The following MTHFD1L variants were observed in gnomAD, a reference collection of about 807,000 sequenced individuals.
The protein encoded by MTHFD1L is monofunctional C1-tetrahydrofolate synthase, mitochondrial.
In MTHFD1L, 81 loss-of-function variants were observed where a neutral mutation model predicts 119.5. The ratio of observed to expected loss-of-function variants is 0.68; its 90% CI spans 0.57 to 0.82. The LOEUF (loss-of-function observed/expected upper bound fraction) is 0.82, where lower values mean the gene tolerates loss of function less well. Ranked by LOEUF, MTHFD1L falls within the 40% of genes least tolerant of loss-of-function variation. The pLI, the probability that MTHFD1L is intolerant of heterozygous loss-of-function variation, is 0.00. For synonymous variants in MTHFD1L, 430 were observed against 475.2 expected, an observed-to-expected ratio of 0.90 and a Z score of 1.24; for missense variants, 1,125 against 1,253.4, an observed-to-expected ratio of 0.90 and a Z score of 1.55.
chr6:150,905,150 T>C (rs175865), intron 7 of MTHFD1L, among the ~76,000 whole-genome samples: 104,161 of 150,788 alleles, frequency 0.69, 37,117 homozygotes, highest in African/African-American at 0.85. Flanking sequence ...TCTCGTGCTG[T>C]AGCCTCCTGA....
At chr6:150,886,088 T>G (rs1229368360) in intron 6 of MTHFD1L, among the ~76,000 whole-genome samples, 2 of 152,184 alleles carry the variant, frequency 1.3e-5, no homozygotes, top group Non-Finnish European at 2.9e-5. Flanking sequence ...TGCTTCCAGT[T>G]TCAGCTTACT....
chr6:151,043,954 CA>C (rs1787544535), intron 26 of MTHFD1L, among the ~76,000 whole-genome samples: 1 of 152,114 alleles, frequency 6.6e-6, no homozygotes, highest in Non-Finnish European at 1.5e-5. Flanking sequence ...AAAGAAACCC[CA>C]AAACTGGAAT....
chr6:150,985,358 G>A (rs1471882499), intron 20 of MTHFD1L: 1 of 152,118 alleles, frequency 6.6e-6, no homozygotes, highest in Admixed American at 6.6e-5. Context: ...CTGAGAAATC[G>A]GAGGGGCTCT....
intron 26 of MTHFD1L, among the ~76,000 whole-genome samples, chr6:151,046,258 T>C (rs1025594117): frequency 6.6e-6 from 1 of 152,022 alleles, no homozygotes; most frequent in Non-Finnish European, 1.5e-5. Flanking sequence ...GTATTAGTTC[T>C]GATTTTTTAC....
intron 26 of MTHFD1L, among the ~76,000 whole-genome samples, chr6:151,059,055 T>C (rs936406135): frequency 6.6e-6 from 1 of 152,050 alleles, no homozygotes; most frequent in Non-Finnish European, 1.5e-5. Flanking sequence ...GCTGGAGCAG[T>C]GGTAAGCGCG....
At chr6:151,044,433 C>T (rs1787636549) in intron 26 of MTHFD1L, among the ~76,000 whole-genome samples, 1 of 151,794 alleles carries the variant, frequency 6.6e-6, no homozygotes, top group African/African-American at 2.4e-5. Flanking sequence ...TCCCGAGTAG[C>T]TGGGATTACA....
intron 8 of MTHFD1L, among the ~76,000 whole-genome samples, chr6:150,918,315 G>T (rs1162257812): frequency 6.6e-6 from 1 of 151,980 alleles, no homozygotes; most frequent in Non-Finnish European, 1.5e-5. Context: ...CACCTGCCTC[G>T]GCCTCCCAAA....
intron 20 of MTHFD1L, among the ~76,000 whole-genome samples, chr6:151,001,424 G>A (rs1584049557): frequency 6.6e-6 from 1 of 152,308 alleles, no homozygotes; most frequent in Non-Finnish European, 1.5e-5. Flanking sequence ...AAAGTCCAAG[G>A]AGGGTTTTCC....
At chr6:151,004,364 G>C (rs561047012) in intron 20 of MTHFD1L, among the ~76,000 whole-genome samples, 1 of 152,128 alleles carries the variant, frequency 6.6e-6, no homozygotes, top group Non-Finnish European at 1.5e-5. Flanking sequence ...TATCGCTGCA[G>C]CTTTCTTTAA....
chr6:150,956,054 A>T lies in MTHFD1L; in HGVS notation c.1786A>T (p.Lys596Ter). ...KITIGQGNTE[K>*]GHYRQAQFDI... The stretch of plus-strand genomic sequence containing the variant: ...AACCATCGGGCAGGGAAACACAGAG[A>T]AGGGCCATTACCGGCAGGTAGGTGG... The change falls in exon 17 of 28, where the codon AAG becomes TAG. Residue 596 changes from lysine (K) to a stop codon, truncating the protein, a stop_gained. Transcript: ENST00000367321. LOFTEE classifies it high-confidence loss of function. The T allele has an allele frequency of 3.7e-6, 6 of 1,614,038 alleles. No homozygotes were observed. Among genetic ancestry groups the T allele is most frequent in the Non-Finnish European group, 5.1e-6 (6 of 1,179,880 alleles).
At chr6:151,042,660 C>T (rs1473735723) in intron 26 of MTHFD1L, among the ~76,000 whole-genome samples, 1 of 152,118 alleles carries the variant, frequency 6.6e-6, no homozygotes, top group East Asian at 1.9e-4. Flanking sequence ...GCTGTTTAAT[C>T]AGTTGGCATA....
At chr6:150,892,981 A>T (rs547133928) in intron 7 of MTHFD1L, among the ~76,000 whole-genome samples, 1 of 152,256 alleles carries the variant, frequency 6.6e-6, no homozygotes, top group African/African-American at 2.4e-5. Flanking sequence ...GTCCTGGGGC[A>T]CCCAATCAGG....
intron 26 of MTHFD1L, 57 bp from the exon 27 acceptor site, chr6:151,092,410 A>G (rs1584454946): frequency 7.4e-7 from 1 of 1,344,452 alleles, no homozygotes; most frequent in Non-Finnish European, 1.1e-6. Context: ...GCATCATCAG[A>G]TGTTGTGGCC....
chr6:151,077,366 G>A (rs1227030812), intron 26 of MTHFD1L, among the ~76,000 whole-genome samples: 1 of 152,218 alleles, frequency 6.6e-6, no homozygotes, highest in Non-Finnish European at 1.5e-5. Context: ...TACTGGGCTG[G>A]GTGCAGTGGC....
intron 8 of MTHFD1L, among the ~76,000 whole-genome samples, chr6:150,912,094 C>T (rs1045429894): frequency 6.6e-5 from 10 of 152,060 alleles, no homozygotes; most frequent in Middle Eastern, 3.4e-3. Context: ...AATGGGATGG[C>T]GCTAAGCCTT....
At chr6:151,006,108 A>G (rs1399798199) in intron 20 of MTHFD1L, among the ~76,000 whole-genome samples, 1 of 146,026 alleles carries the variant, frequency 6.8e-6, no homozygotes, top group Non-Finnish European at 1.5e-5. Flanking sequence ...CCCGCCCTCC[A>G]TGTGGGAGAC....
intron 23 of MTHFD1L, 81 bp downstream of exon 23, chr6:151,015,061 G>A (rs1364556113): frequency 1.8e-6 from 2 of 1,121,246 alleles, no homozygotes; most frequent in East Asian, 2.5e-5. Context: ...GGGGTATTTG[G>A]TCTTTCTGTG....
chr6:151,098,849 A>G (rs1323914187), intron 27 of MTHFD1L, among the ~76,000 whole-genome samples: 1 of 152,132 alleles, frequency 6.6e-6, no homozygotes, highest in African/African-American at 2.4e-5. Context: ...GAGACTTTCT[A>G]TACTTTGGCC....
At position 150,883,412 on chromosome 6, in the gene MTHFD1L, A is replaced by T. The variant is rs140183369; in HGVS notation, c.542+526A>T. ...AGCCCTTTTATAGTGCTTCAATGCC[A>T]TATGATCTTACACCATCAGATTCAT... On this transcript the variant is annotated intron_variant, in intron 5 of 27. Coordinates refer to ENST00000367321, the MANE Select transcript of MTHFD1L (RefSeq NM_015440.5). Among the ~76,000 whole-genome samples the T allele has an allele frequency of 2.2e-3, 341 of 152,316 alleles. 2 individuals carry two copies. Among genetic ancestry groups the T allele is most frequent in the Non-Finnish European group, 3.3e-3 (225 of 68,036 alleles).
Sources: allele counts gnomAD v4.1 joint callset (sites outside exome capture counted in the v4.1 genomes callset), GRCh38; gene constraint gnomAD v4.1.1; transcripts MANE v1.5; gene names NCBI Gene and HGNC (gene_info 2026-07-23, HGNC 2026-07-21).